Variants in DRD3 observed in about 807,000 individuals in gnomAD.
DRD3 encodes the protein dopamine receptor D3, also known as D(3) dopamine receptor.
Under a neutral mutation model 36.3 loss-of-function variants are expected in DRD3, and 19 were observed. The observed-to-expected ratio is 0.52, with a 90% CI of 0.36 to 0.77. The LOEUF (loss-of-function observed/expected upper bound fraction) is 0.77. DRD3 is among the 30% of genes least tolerant of loss of function. The pLI, the probability that DRD3 is intolerant of heterozygous loss-of-function variation, is 0.00. For missense variants in DRD3, 465 were observed against 505.3 expected, an observed-to-expected ratio of 0.92 and a Z score of 0.77; for synonymous variants, 195 against 203.7, an observed-to-expected ratio of 0.96 and a Z score of 0.36.
rs1274871399 is a variant in DRD3, at chr3:114,128,771, T to G, written c.1148A>C (p.Tyr383Ser). Residue 383 changes from tyrosine to serine, a missense_variant, in exon 7 of 7, where the codon TAT becomes TCT. Physicochemically the swap from Tyr to Ser is moderately radical, Grantham distance 144. Coordinates refer to ENST00000383673, the MANE Select transcript of DRD3 (RefSeq NM_000796.6). The stretch of plus-strand genomic sequence containing the variant: ...CCGGAACTCGATATTGAAGGTGGTA[T>G]AGATCACAGGGTTGAGGGCGCTATT... ...YVNSALNPVIYTTFNIEFRKA... is the reference protein window; with the variant it reads ...YVNSALNPVISTTFNIEFRKA... 6.2e-7 allele frequency: 1 copy of G among 1,613,566 alleles called. No homozygotes were observed. The highest frequency in any genetic ancestry group is 8.5e-7 in the Non-Finnish European group (1 of 1,179,814).
rs532915896 is a variant in DRD3, at chr3:114,184,350, C to T, written c.-155-5574G>A. Reference sequence around the variant, plus strand: ...TAATAATTATTTTAAATGCGTTAGTCTCTTAAATTATATAAAAAACAAAAC... The same window carrying T: ...TAATAATTATTTTAAATGCGTTAGTTTCTTAAATTATATAAAAAACAAAAC... On this transcript the variant is annotated intron_variant, in intron 1 of 7. Transcript: ENST00000460779. Among the ~76,000 whole-genome samples the T allele has an allele frequency of 1.8e-3, 281 of 152,166 alleles. 1 individual carries two copies. Among genetic ancestry groups the T allele is most frequent in the African/African-American group, 6.5e-3 (271 of 41,518 alleles).
At chr3:114,144,362 C>T (rs1227576073) in intron 4 of DRD3, among the ~76,000 whole-genome samples, 1 of 152,198 alleles carries the variant, frequency 6.6e-6, no homozygotes. Flanking sequence ...TTGGCAGGAT[C>T]CTGCCCTCTC....
chr3:114,147,384 T>C lies in DRD3; in HGVS notation c.526+31A>G, dbSNP rs188994887. Reference sequence around the variant, plus strand: ...TCATTCAGCTGTGCTGTGAATCACATGGATGCTAGAAATGAAGCCATCACT... The same window carrying C: ...TCATTCAGCTGTGCTGTGAATCACACGGATGCTAGAAATGAAGCCATCACT... On this transcript the variant is annotated intron_variant, in intron 4 of 6. Coordinates refer to ENST00000383673, the MANE Select transcript of DRD3 (RefSeq NM_000796.6). 32 of 1,603,002 alleles carry C rather than the reference T, an allele frequency of 2.0e-5. No individual in the cohort carries two copies. In the African/African-American group the frequency reaches 3.5e-4, roughly 17 times the overall value.
At chr3:114,181,217 T>C (rs1560002783), upstream of DRD3, among the ~76,000 whole-genome samples, 1 of 152,200 alleles carries the variant, frequency 6.6e-6, no homozygotes, top group Non-Finnish European at 1.5e-5. Flanking sequence ...TAATTCTGTG[T>C]AGGAACAAGA....
chr3:114,131,373 C>G lies in DRD3; in HGVS notation c.751G>C (p.Glu251Gln). The G allele has an allele frequency of 1.2e-6, 2 of 1,614,050 alleles. No homozygotes were observed. Among genetic ancestry groups the G allele is most frequent in the Non-Finnish European group, 1.7e-6 (2 of 1,179,942 alleles). The change falls in exon 6 of 7, where the codon GAG (glutamate) becomes CAG (glutamine). Residue 251 changes from glutamate (E) to glutamine (Q), a missense_variant. Glu to Gln is a conservative substitution (Grantham distance 29). Transcript: ENST00000383673. ...CAGATGCTGTAGTAACGCTTCAGCT[C>G]CAGATGTGCCGGGTCAGGAGAGAGG... ...QTLSPDPAHL[E>Q]LKRYYSICQD...
intron 1 of DRD3, among the ~76,000 whole-genome samples, chr3:114,193,169 C>G (rs910911994): frequency 6.6e-5 from 10 of 152,114 alleles, no homozygotes; most frequent in Non-Finnish European, 1.3e-4. Flanking sequence ...GTCCCAGCTA[C>G]TTGGGAGGCT....
At chr3:114,180,327 A>T (rs906170836), upstream of DRD3, among the ~76,000 whole-genome samples, 2 of 152,108 alleles carry the variant, frequency 1.3e-5, no homozygotes, top group Non-Finnish European at 2.9e-5. Flanking sequence ...CCAAAATTCA[A>T]GTGTTGAAGC....
chr3:114,184,504 T>G (rs2077964544), intron 1 of DRD3, among the ~76,000 whole-genome samples: 1 of 152,062 alleles, frequency 6.6e-6, no homozygotes, highest in Admixed American at 6.6e-5. Context: ...GTCCTTGCAT[T>G]TATTGAGCTC....
intron 5 of DRD3, among the ~76,000 whole-genome samples, chr3:114,136,942 C>A (rs964384879): frequency 2.0e-5 from 3 of 152,142 alleles, no homozygotes; most frequent in Non-Finnish European, 4.4e-5. Context: ...ATGTGTGTTC[C>A]CTTGACGTCT....
intron 3 of DRD3, among the ~76,000 whole-genome samples, chr3:114,152,884 A>T (rs1577598936): frequency 6.6e-6 from 1 of 152,264 alleles, no homozygotes; most frequent in Admixed American, 6.5e-5. Context: ...GGCTTGGCCC[A>T]GGGCCACCTC....
intron 1 of DRD3, among the ~76,000 whole-genome samples, chr3:114,193,809 TTTTA>T (rs2078023822): frequency 1.3e-5 from 2 of 152,184 alleles, no homozygotes; most frequent in Non-Finnish European, 2.9e-5. Context: ...ACATCTTAAT[TTTTA>T]TTTATTAAAG....
intron 4 of DRD3, among the ~76,000 whole-genome samples, chr3:114,141,348 A>T (rs1355463187): frequency 1.3e-5 from 2 of 152,184 alleles, no homozygotes; most frequent in Admixed American, 1.3e-4. Context: ...CATTTCTTAA[A>T]TATGCAAAGC....
Position 114,190,246 on chromosome 3 carries a change from G to A in DRD3, c.-156+9027C>T, listed in dbSNP as rs187656037. Among the ~76,000 whole-genome samples the A allele has an allele frequency of 2.6e-5, 4 of 151,088 alleles. No homozygotes were observed. In the East Asian group the frequency reaches 7.8e-4, roughly 30 times the overall value. ...TGAACTGGTATTTGAGCACAGGGGTGGTGAAGCAGCTCTTTCTTTGCCAAG... is the reference window on the plus strand; with the variant it reads ...TGAACTGGTATTTGAGCACAGGGGTAGTGAAGCAGCTCTTTCTTTGCCAAG... On this transcript the variant is annotated intron_variant, in intron 1 of 7. Transcript: ENST00000460779.
In DRD3 at chr3:114,128,908, G is replaced by A. The variant is rs753076758; in HGVS notation, c.1011C>T (p.Ala337=). Residue 337 remains alanine (A), a synonymous_variant, in exon 7 of 7, where the codon GCC becomes GCT. Transcript: ENST00000383673. ...ATQMVAIVLG[A]FIVCWLPFFL... is the part of the protein sequence containing the mutation. ...AGAAGGGCAGCCAGCAGACAATGAA[G>A]GCCCCTAAGTTGCCAAATAAGAGAG... The A allele has an allele frequency of 4.4e-6, 7 of 1,595,736 alleles. No homozygotes were observed. In the South Asian group the frequency reaches 6.8e-5, roughly 16 times the overall value.
intron 3 of DRD3, among the ~76,000 whole-genome samples, chr3:114,155,370 A>T (rs1181285323): frequency 6.6e-6 from 1 of 151,946 alleles, no homozygotes; most frequent in Non-Finnish European, 1.5e-5. Flanking sequence ...CCAAGAAGGG[A>T]GCTTCGTTTT....
intron 1 of DRD3, among the ~76,000 whole-genome samples, chr3:114,172,248 C>A (rs1368651778): frequency 6.6e-6 from 1 of 152,056 alleles, no homozygotes; most frequent in African/African-American, 2.4e-5. Flanking sequence ...AGATAATAAA[C>A]AAGATAAATA....
chr3:114,176,376 T>G (rs1016893198), intron 1 of DRD3, among the ~76,000 whole-genome samples: 1 of 152,052 alleles, frequency 6.6e-6, no homozygotes. Flanking sequence ...GATGGAAGGA[T>G]CACTTGAGGC....
intron 2 of DRD3, among the ~76,000 whole-genome samples, chr3:114,164,962 G>A (rs1025270154): frequency 6.6e-6 from 1 of 152,166 alleles, no homozygotes; most frequent in Non-Finnish European, 1.5e-5. Flanking sequence ...CATTGGCCAG[G>A]CTGGTGTTGA....
At chr3:114,171,462 C>T (rs773155050) in intron 2 of DRD3, among the ~76,000 whole-genome samples, 2 of 152,122 alleles carry the variant, frequency 1.3e-5, no homozygotes, top group African/African-American at 2.4e-5. Flanking sequence ...GGAAGAGTCC[C>T]GTCACTCAAA....
Sources: gnomAD v4.1 joint callset for allele counts (sites outside exome capture counted in the v4.1 genomes callset) on GRCh38, gnomAD v4.1.1 for gene constraint, MANE v1.5 for transcripts, NCBI Gene and HGNC (gene_info 2026-07-23, HGNC 2026-07-21) for gene names.